The following PLSCR2 variants were observed in gnomAD, a reference collection of about 807,000 sequenced individuals.
The protein encoded by PLSCR2 is PL scramblase 2.
Under a neutral mutation model 25.3 loss-of-function variants are expected in PLSCR2, and 18 were observed. That is an observed-to-expected ratio of 0.71 (90% confidence interval 0.49 to 1.06). The LOEUF is 1.06. Among genes scored for constraint, PLSCR2 ranks in the 50% least tolerant of loss-of-function variants. The pLI is 0.00. For missense variants in PLSCR2, 243 were observed against 269.5 expected (o/e 0.90, Z 0.69); for synonymous variants, 88 against 87.3 (o/e 1.01, Z -0.04).
intron 2 of PLSCR2, among the ~76,000 whole-genome samples, chr3:146,403,143 A>AACACAC (rs77006503): frequency 3.5e-4 from 52 of 150,302 alleles, no homozygotes; most frequent in African/African-American, 8.8e-4. Flanking sequence ...ACATATTGTA[A>AACACAC]ACACACACAC....
At chr3:146,481,998 T>C (rs1022000739) in intron 1 of PLSCR2, among the ~76,000 whole-genome samples, 13 of 152,188 alleles carry the variant, frequency 8.5e-5, no homozygotes, top group Non-Finnish European at 5.9e-5. Context: ...ATTTAATAAA[T>C]GGTGCTTGGA....
intron 2 of PLSCR2, among the ~76,000 whole-genome samples, chr3:146,426,191 CTCCTTCCCTCCT>C (rs1294000332): frequency 1.4e-5 from 2 of 139,140 alleles, no homozygotes; most frequent in African/African-American, 2.8e-5. Context: ...TCCTCCCTCC[CTCCTTCCCTCCT>C]TCCTTCCCTC....
downstream of PLSCR2, among the ~76,000 whole-genome samples, chr3:146,432,153 T>C (rs932894823): frequency 2.0e-5 from 3 of 152,214 alleles, no homozygotes; most frequent in Non-Finnish European, 2.9e-5. Context: ...TATTTACTTA[T>C]AAGAATATCT....
At position 146,473,591 on chromosome 3, in the gene PLSCR2, C is replaced by A. The variant is rs142907712; in HGVS notation, c.-292-13307G>T. On this transcript the variant is annotated intron_variant, in intron 1 of 8. Transcript: ENST00000336685. ...AAAATGCTGCGATTACAGGCATGAG[C>A]CACTGCGCCTGGCTGAAAAGTACTA... Among the ~76,000 whole-genome samples the A allele has an allele frequency of 6.9e-3, 1,047 of 152,270 alleles. 8 individuals carry two copies. The highest frequency in any genetic ancestry group is 0.017 in the South Asian group (83 of 4,824).
downstream of PLSCR2, among the ~76,000 whole-genome samples, chr3:146,431,797 T>C (rs1364796012): frequency 1.3e-5 from 2 of 151,536 alleles, no homozygotes; most frequent in African/African-American, 4.9e-5. Context: ...AGCCAAGCTA[T>C]GAACTGCGTA....
chr3:146,438,875 G>A (rs1466691807), downstream of PLSCR2, among the ~76,000 whole-genome samples: 4 of 152,080 alleles, frequency 2.6e-5, no homozygotes, highest in African/African-American at 7.2e-5. Flanking sequence ...AGTATCAATG[G>A]TCTTTATAAT....
chr3:146,392,117 A>G (rs2038102216), intron 3 of PLSCR2, among the ~76,000 whole-genome samples: 1 of 152,066 alleles, frequency 6.6e-6, no homozygotes, highest in African/African-American at 2.4e-5. Flanking sequence ...CTCATAATGT[A>G]TTTAGTAAGC....
At chr3:146,433,962 A>T (rs1281579941) in intron 8 of PLSCR2, among the ~76,000 whole-genome samples, 2 of 152,152 alleles carry the variant, frequency 1.3e-5, no homozygotes, top group African/African-American at 4.8e-5. Flanking sequence ...TCCTAAGCAT[A>T]CTTTTCTTTG....
chr3:146,471,768 T>C (rs1454133925), intron 1 of PLSCR2, among the ~76,000 whole-genome samples: 1 of 152,132 alleles, frequency 6.6e-6, no homozygotes, highest in Non-Finnish European at 1.5e-5. Context: ...GGTTTCCCCA[T>C]GTTGGCCAGG....
intron 1 of PLSCR2, among the ~76,000 whole-genome samples, chr3:146,481,121 A>T (rs1467782043): frequency 6.6e-6 from 1 of 152,222 alleles, no homozygotes; most frequent in East Asian, 1.9e-4. Context: ...CCCACAGCCA[A>T]TGTCATACTG....
At chr3:146,454,527 A>G (rs2041086591) in intron 4 of PLSCR2, among the ~76,000 whole-genome samples, 1 of 152,202 alleles carries the variant, frequency 6.6e-6, no homozygotes, top group South Asian at 2.1e-4. Context: ...ATGTTCTCAC[A>G]GCAATCTGTA....
chr3:146,444,274 T>C (rs992155512), intron 6 of PLSCR2, among the ~76,000 whole-genome samples: 3 of 152,182 alleles, frequency 2.0e-5, no homozygotes, highest in Middle Eastern at 3.4e-3. Context: ...ATCTATTGGG[T>C]CCATTTGGTT....
At chr3:146,429,225 C>T (rs1576604935), downstream of PLSCR2, among the ~76,000 whole-genome samples, 1 of 152,116 alleles carries the variant, frequency 6.6e-6, no homozygotes, top group African/African-American at 2.4e-5. Flanking sequence ...AGGGGACCAG[C>T]ATGTCACATG....
At chr3:146,457,362 GCT>G in intron 3 of PLSCR2, among the ~76,000 whole-genome samples, 1 of 152,328 alleles carries the variant, frequency 6.6e-6, no homozygotes, top group East Asian at 1.9e-4. Flanking sequence ...TCCCCTGGCA[GCT>G]GTTCTGAAGC....
chr3:146,433,582 A>T (rs1352978917), intron 8 of PLSCR2, 65 bp from the exon 8 acceptor site: 1 of 152,154 alleles, frequency 6.6e-6, no homozygotes, highest in Non-Finnish European at 1.5e-5. Context: ...CAGTACCTCT[A>T]ATCCTCATTT....
chr3:146,416,436 T>A (rs1441876079), intron 2 of PLSCR2: 1 of 152,122 alleles, frequency 6.6e-6, no homozygotes, highest in Non-Finnish European at 1.5e-5. Flanking sequence ...TTATAACAAG[T>A]TATATTCTGG....
chr3:146,437,089 G>A (rs1178914895), downstream of PLSCR2, among the ~76,000 whole-genome samples: 1 of 151,890 alleles, frequency 6.6e-6, no homozygotes, highest in Non-Finnish European at 1.5e-5. Flanking sequence ...ATTGATTTGT[G>A]TTATGTTGAA....
rs536250996 is a variant in PLSCR2, at chr3:146,428,114, A to G, written c.100+30297T>C. ...ATGGTGAGAAAATTCTGGCAGTACA[A>G]TTTAAAAGAAATGTACTTAGCTTGT... On this transcript the variant is annotated intron_variant and NMD_transcript_variant, in intron 2 of 3. Transcript: ENST00000463633. 4.6e-5 allele frequency among the ~76,000 whole-genome samples: 7 copies of G among 152,320 alleles called. No individual in the cohort carries two copies. The East Asian group carries it at 9.6e-4, about 21-fold the overall frequency.
chr3:146,488,327 C>G (rs756156456), intron 1 of PLSCR2, among the ~76,000 whole-genome samples: 2 of 151,862 alleles, frequency 1.3e-5, no homozygotes, highest in East Asian at 3.9e-4. Context: ...AATTAACAAA[C>G]GGGACTTAAT....
Sources: gnomAD v4.1 joint callset for allele counts (sites outside exome capture counted in the v4.1 genomes callset) on GRCh38, gnomAD v4.1.1 for gene constraint, MANE v1.5 for transcripts, NCBI Gene and HGNC (gene_info 2026-07-23, HGNC 2026-07-21) for gene names.